Variants in WDFY4 observed in about 807,000 individuals in gnomAD.
WDFY4 encodes the protein WD repeat- and FYVE domain-containing protein 4.
A neutral mutation model predicts 351.9 loss-of-function variants in WDFY4; 169 were observed. The observed-to-expected ratio is 0.48, with a 90% CI of 0.42 to 0.55. WDFY4 has a LOEUF of 0.55. WDFY4 is among the 20% of genes least tolerant of loss of function. WDFY4 has a pLI of 0.00. For synonymous variants in WDFY4, 1,622 were observed against 1,574.6 expected, an observed-to-expected ratio of 1.03 and a Z score of -0.71; for missense variants, 3,803 against 3,935.6, an observed-to-expected ratio of 0.97 and a Z score of 0.90.
In WDFY4 at chr10:48,820,361, C is replaced by T. The variant is rs567525524; in HGVS notation, c.5633C>T (p.Thr1878Met). ...HPARRKLREF[T>M]QLLLRELLLG... ...GCCCGGAGGAAGCTGAGGGAGTTCA[C>T]GCAGCTCCTCTTGAGGGAGCTCCTG... is the stretch of plus-strand genomic sequence containing the variant. The change falls in exon 33 of 62, where the codon ACG becomes ATG. Residue 1878 changes from threonine to methionine, a missense_variant. Coordinates refer to ENST00000325239, the MANE Select transcript of WDFY4 (RefSeq NM_001394531.1). 2.6e-5 allele frequency: 41 copies of T among 1,551,612 alleles called. No homozygotes were observed. In the East Asian group the frequency reaches 2.9e-4, roughly 11 times the overall value.
chr10:48,775,587 G>A, intron 14 of WDFY4, 125 bp from the exon 15 acceptor site: 2 of 849,494 alleles, frequency 2.4e-6, no homozygotes, highest in South Asian at 1.6e-5. Context: ...CTTTCAGAAA[G>A]GGTGTTCCAG....
At chr10:48,944,024 C>T (rs1021913491) in intron 49 of WDFY4, among the ~76,000 whole-genome samples, 2 of 152,234 alleles carry the variant, frequency 1.3e-5, no homozygotes, top group Non-Finnish European at 2.9e-5. Context: ...TCCTGGCTTA[C>T]TCTCCACAGT....
intron 1 of WDFY4, among the ~76,000 whole-genome samples, chr10:48,689,768 A>G: frequency 6.6e-6 from 1 of 152,246 alleles, no homozygotes; most frequent in East Asian, 1.9e-4. Flanking sequence ...AATAATTCCA[A>G]GGAGAAAGAA....
intron 44 of WDFY4, among the ~76,000 whole-genome samples, chr10:48,892,755 A>T (rs1836878238): frequency 6.6e-6 from 1 of 152,264 alleles, no homozygotes; most frequent in African/African-American, 2.4e-5. Context: ...AGACCTTGAA[A>T]GAGCCTGTCC....
intron 11 of WDFY4, among the ~76,000 whole-genome samples, chr10:48,738,290 G>A (rs887529458): frequency 2.6e-5 from 4 of 152,228 alleles, no homozygotes; most frequent in Non-Finnish European, 4.4e-5. Flanking sequence ...CAGAGGCATC[G>A]TATTGGAGTG....
At chr10:48,914,100 C>G (rs149062398) in intron 47 of WDFY4, 25 of 1,614,100 alleles carry the variant, frequency 1.5e-5, no homozygotes, top group Middle Eastern at 1.6e-4. Flanking sequence ...GATGCAATTC[C>G]TGGCCACCTT....
At chr10:48,910,519 C>A (rs1033560031) in intron 47 of WDFY4, among the ~76,000 whole-genome samples, 2 of 152,166 alleles carry the variant, frequency 1.3e-5, no homozygotes, top group Non-Finnish European at 2.9e-5. Context: ...AACATCAAAC[C>A]TTTTCCTTGG....
intron 23 of WDFY4, among the ~76,000 whole-genome samples, chr10:48,792,081 C>G (rs1443275801): frequency 6.6e-6 from 1 of 152,224 alleles, no homozygotes; most frequent in Non-Finnish European, 1.5e-5. Context: ...CCTTCCAGCC[C>G]CATCTCCAAC....
intron 47 of WDFY4, among the ~76,000 whole-genome samples, chr10:48,916,165 C>T (rs1465767581): frequency 6.6e-6 from 1 of 152,160 alleles, no homozygotes; most frequent in African/African-American, 2.4e-5. Flanking sequence ...ACCAATCTGG[C>T]CACAAGTTTC....
Position 48,727,589 on chromosome 10 carries a change from G to T in WDFY4, c.901G>T (p.Val301Phe). Residue 301 changes from valine to phenylalanine, a missense_variant, in exon 7 of 62, where the codon GTC becomes TTC. This residue lies in a region of WDFY4 where 488 missense variants were observed against 456.8 expected (regional missense o/e 1.07). Transcript: ENST00000325239. ...ILGFVKDSYP[V>F]SSALFLEFEN... is the part of the protein sequence containing the mutation. ...GGGATTCGTGAAGGACTCCTACCCC[G>T]TCTCCTCGGCTCTGTTCCTGGAGTT... The T allele has an allele frequency of 6.4e-7, 1 of 1,551,962 alleles. No homozygotes were observed. The highest frequency in any genetic ancestry group is 1.2e-5 in the South Asian group (1 of 84,062).
chr10:48,819,851 G>A (rs548806231), intron 32 of WDFY4, among the ~76,000 whole-genome samples: 7 of 152,146 alleles, frequency 4.6e-5, no homozygotes, highest in African/African-American at 2.4e-5. Context: ...GCATTGCCAC[G>A]TTCGTTATTC....
chr10:48,870,044 C>G (rs2069704969), intron 40 of WDFY4, among the ~76,000 whole-genome samples: 2 of 152,172 alleles, frequency 1.3e-5, no homozygotes, highest in South Asian at 4.1e-4. Context: ...CCTGAGGGTG[C>G]CATTCCCAGC....
chr10:48,761,474 T>C (rs2065504447), intron 13 of WDFY4, among the ~76,000 whole-genome samples: 1 of 152,096 alleles, frequency 6.6e-6, no homozygotes, highest in Admixed American at 6.5e-5. Flanking sequence ...TAGGGTGGTG[T>C]CTGTGAGAAG....
intron 51 of WDFY4, among the ~76,000 whole-genome samples, chr10:48,949,353 G>C (rs1841206722): frequency 6.6e-6 from 1 of 152,200 alleles, no homozygotes; most frequent in East Asian, 1.9e-4. Context: ...AAGAATTTTA[G>C]CTCTCGAGAG....
chr10:48,817,134 T>C, intron 31 of WDFY4, 111 bp from the exon 32 acceptor site: 1 of 1,268,474 alleles, frequency 7.9e-7, no homozygotes, highest in Non-Finnish European at 1.1e-6. Context: ...AAATAATGTA[T>C]CTTGTTGAAA....
At chr10:48,702,014 A>G (rs138429148) in intron 1 of WDFY4, among the ~76,000 whole-genome samples, 160 of 152,320 alleles carry the variant, frequency 1.1e-3, no homozygotes, top group African/African-American at 3.7e-3. Flanking sequence ...TGTTTTCTTA[A>G]AGTCAGGTTT....
At chr10:48,810,417 T>C in intron 28 of WDFY4, 113 bp from the exon 29 acceptor site, 1 of 968,676 alleles carries the variant, frequency 1.0e-6, no homozygotes, top group African/African-American at 1.6e-5. Context: ...TAAGTGATGT[T>C]AACCTTAACT....
At position 48,743,559 on chromosome 10, in the gene WDFY4, C is replaced by T. The variant is rs1417159144; in HGVS notation, c.2459+11C>T. 6.5e-7 allele frequency: 1 copy of T among 1,527,680 alleles called. No individual in the cohort carries two copies. The highest frequency in any genetic ancestry group is 2.0e-5 in the Admixed American group (1 of 50,742). The allele number at this position is 1,527,680 out of a possible 1,614,324, so 94.6% of individuals were successfully genotyped here. On this transcript the variant is annotated intron_variant, in intron 12 of 61. Transcript: ENST00000325239. The stretch of plus-strand genomic sequence containing the variant: ...AGACCTGGAGGAGAGGTAGCTTCTT[C>T]TGCCAGTGTGTCATCAGTGCATCTC...
In WDFY4 at chr10:48,727,518, A is replaced by C. The variant is rs1565135044; in HGVS notation, c.830A>C (p.Asp277Ala). The change falls in exon 7 of 62, where the codon GAC (aspartate) becomes GCC (alanine). Residue 277 changes from aspartate to alanine, a missense_variant. Coordinates refer to ENST00000325239, the MANE Select transcript of WDFY4 (RefSeq NM_001394531.1). ...LSLQNLSRLT[D>A]TLPAPEVSEA... ...CTCCAGAACCTCTCCAGGCTCACGGACACTCTCCCTGCCCCTGAAGTGAGC... is the reference window on the plus strand; with the variant it reads ...CTCCAGAACCTCTCCAGGCTCACGGCCACTCTCCCTGCCCCTGAAGTGAGC... 3 of 1,551,628 alleles carry C rather than the reference A, an allele frequency of 1.9e-6. No individual in the cohort carries two copies. Among genetic ancestry groups the C allele is most frequent in the Non-Finnish European group, 2.6e-6 (3 of 1,146,984 alleles).
Sources: allele counts gnomAD v4.1 joint callset (sites outside exome capture counted in the v4.1 genomes callset), GRCh38; gene constraint gnomAD v4.1.1; regional missense constraint gnomAD v4.1.1; transcripts MANE v1.5; gene names NCBI Gene and HGNC (gene_info 2026-07-23, HGNC 2026-07-21).